Variants in LARGE1 observed in about 807,000 individuals in gnomAD.
LARGE1 encodes xylosyl- and glucuronyltransferase LARGE1.
Under a neutral mutation model 87.6 loss-of-function variants are expected in LARGE1, and 43 were observed. The observed-to-expected ratio is 0.49, with a 90% CI of 0.38 to 0.63. The LOEUF is 0.63. Ranked by LOEUF, LARGE1 falls within the 30% of genes least tolerant of loss-of-function variation. The pLI is 0.00. For missense variants in LARGE1, 802 were observed against 1,000.2 expected, an observed-to-expected ratio of 0.80 and a Z score of 2.67; for synonymous variants, 434 against 394.6, an observed-to-expected ratio of 1.10 and a Z score of -1.18.
intron 7 of LARGE1, among the ~76,000 whole-genome samples, chr22:33,400,997 T>C (rs887557259): frequency 6.6e-6 from 1 of 152,146 alleles, no homozygotes; most frequent in Non-Finnish European, 1.5e-5. Flanking sequence ...CATCCCCTGG[T>C]GGCTGGTTCC....
intron 7 of LARGE1, among the ~76,000 whole-genome samples, chr22:33,418,990 T>C (rs554050740): frequency 6.4e-4 from 98 of 152,192 alleles, no homozygotes; most frequent in African/African-American, 2.3e-3. Context: ...TATTAGTCCA[T>C]CCTCACCCTG....
intron 1 of LARGE1, among the ~76,000 whole-genome samples, chr22:33,825,980 A>G (rs1413731256): frequency 6.6e-6 from 1 of 152,148 alleles, no homozygotes; most frequent in Non-Finnish European, 1.5e-5. Flanking sequence ...GAAGACATAC[A>G]TCCTGCCAGG....
chr22:33,350,855 T>C (rs1047493293), intron 9 of LARGE1, among the ~76,000 whole-genome samples: 2 of 152,192 alleles, frequency 1.3e-5, no homozygotes, highest in Non-Finnish European at 2.9e-5. Context: ...CAGTGAGTCA[T>C]TCCTGACCAT....
the LARGE1 span, among the ~76,000 whole-genome samples, chr22:33,121,109 C>T: frequency 6.6e-6 from 1 of 151,788 alleles, no homozygotes; most frequent in Admixed American, 6.6e-5. Flanking sequence ...GTCCTTTTGC[C>T]TCTAGGACCC....
the LARGE1 span, among the ~76,000 whole-genome samples, chr22:33,091,952 TGCAGTGGC>T: frequency 6.6e-6 from 1 of 152,154 alleles, no homozygotes; most frequent in African/African-American, 2.4e-5. Flanking sequence ...CAGGCTGGAG[TGCAGTGGC>T]GCAGTCTTGG....
chr22:33,821,688 T>C (rs2086823708), intron 1 of LARGE1, among the ~76,000 whole-genome samples: 1 of 152,164 alleles, frequency 6.6e-6, no homozygotes, highest in Admixed American at 6.5e-5. Context: ...TGACTCCCTT[T>C]GACCACTGAA....
chr22:33,756,299 G>A (rs894450579), intron 2 of LARGE1, among the ~76,000 whole-genome samples: 4 of 152,178 alleles, frequency 2.6e-5, no homozygotes, highest in Admixed American at 6.5e-5. Context: ...TACAGTAGGT[G>A]CTAGAGGTGG....
intron 2 of LARGE1, among the ~76,000 whole-genome samples, chr22:33,720,888 C>A (rs913345858): frequency 1.3e-5 from 2 of 152,128 alleles, no homozygotes; most frequent in Non-Finnish European, 2.9e-5. Flanking sequence ...CAGGGGGCTG[C>A]TGGAAAAAGA....
intron 1 of LARGE1, among the ~76,000 whole-genome samples, chr22:33,843,068 G>A (rs1317501500): frequency 6.6e-6 from 1 of 152,098 alleles, no homozygotes; most frequent in Non-Finnish European, 1.5e-5. Flanking sequence ...AGCCTTCCTG[G>A]AAGACATCCT....
At chr22:33,799,046 G>C (rs2086075186) in intron 1 of LARGE1, among the ~76,000 whole-genome samples, 1 of 152,020 alleles carries the variant, frequency 6.6e-6, no homozygotes, top group African/African-American at 2.4e-5. Flanking sequence ...GGATAATTTG[G>C]ACAATTTTAT....
chr22:33,238,860 T>C (rs1315124800), intron 11 of LARGE1, among the ~76,000 whole-genome samples: 1 of 152,142 alleles, frequency 6.6e-6, no homozygotes, highest in Non-Finnish European at 1.5e-5. Flanking sequence ...TAAATTCATA[T>C]ATTGAGAAAT....
intron 2 of LARGE1, among the ~76,000 whole-genome samples, chr22:33,735,490 T>C (rs900275724): frequency 6.6e-6 from 1 of 151,978 alleles, no homozygotes; most frequent in African/African-American, 2.4e-5. Context: ...AGGGAAAAAT[T>C]GATTTTTTTT....
intron 2 of LARGE1, among the ~76,000 whole-genome samples, chr22:33,665,360 C>G (rs1245483364): frequency 1.3e-5 from 2 of 152,148 alleles, no homozygotes; most frequent in African/African-American, 4.8e-5. Context: ...AACAGTATCT[C>G]CAGGGTCTGG....
intron 6 of LARGE1, among the ~76,000 whole-genome samples, chr22:33,476,416 A>G (rs926602816): frequency 3.3e-5 from 5 of 152,184 alleles, no homozygotes; most frequent in African/African-American, 1.2e-4. Flanking sequence ...AGCTCCGCCT[A>G]CTACTTCGAC....
At chr22:33,819,372 C>CAGAAG (rs2086752577) in intron 1 of LARGE1, among the ~76,000 whole-genome samples, 2 of 152,016 alleles carry the variant, frequency 1.3e-5, no homozygotes, top group South Asian at 4.1e-4. Flanking sequence ...AAGTTCAGAC[C>CAGAAG]TTCTGGTCAC....
At chr22:33,733,647 T>C (rs1181574673) in intron 2 of LARGE1, 1 of 152,180 alleles carries the variant, frequency 6.6e-6, no homozygotes, top group Admixed American at 6.5e-5. Context: ...CATCTATCCA[T>C]CTATCCATCC....
intron 2 of LARGE1, among the ~76,000 whole-genome samples, chr22:33,676,106 G>A (rs969367397): frequency 2.5e-4 from 38 of 151,716 alleles, no homozygotes; most frequent in African/African-American, 8.7e-4. Context: ...TGATATTTTA[G>A]TAACAAAAGA....
downstream of LARGE1, among the ~76,000 whole-genome samples, chr22:33,271,855 A>G (rs1928267704): frequency 6.6e-6 from 1 of 152,252 alleles, no homozygotes; most frequent in Admixed American, 6.5e-5. Flanking sequence ...AGATTGGCTT[A>G]CAGTGTAAGG....
chr22:33,166,599 G>C, exon 12 of LARGE1: 5 of 370,374 alleles, frequency 1.3e-5, no homozygotes, highest in Admixed American at 1.3e-4. Context: ...TTACCACGGG[G>C]ATGATGTTCA....
Sources: gnomAD v4.1 joint callset for allele counts (sites outside exome capture counted in the v4.1 genomes callset) on GRCh38, gnomAD v4.1.1 for gene constraint, MANE v1.5 for transcripts, NCBI Gene and HGNC (gene_info 2026-07-23, HGNC 2026-07-21) for gene names.